PDE4C: variants seen among roughly 807,000 people sequenced by gnomAD.
The protein encoded by PDE4C is 3',5'-cyclic-AMP phosphodiesterase 4C.
Under a neutral mutation model 63.9 loss-of-function variants are expected in PDE4C, and 50 were observed. That is an observed-to-expected ratio of 0.78 (90% CI 0.62 to 0.99). The LOEUF (loss-of-function observed/expected upper bound fraction) is 0.99. Among genes scored for constraint, PDE4C ranks in the 50% least tolerant of loss-of-function variants. PDE4C has a pLI of 0.00. For synonymous variants in PDE4C, 377 were observed against 385.1 expected (o/e 0.98, Z 0.25); for missense variants, 777 against 899.1 (o/e 0.86, Z 1.74).
chr19:18,219,090 C>T lies in PDE4C; in HGVS notation c.871-52G>A, dbSNP rs748242055. On this transcript the variant is annotated intron_variant, in intron 8 of 14. Coordinates refer to ENST00000262805, the Ensembl canonical transcript of PDE4C. The stretch of plus-strand genomic sequence containing the variant: ...TTAACCCCAGCCCAACTTCCCCAGA[C>T]TCTAGAGCCTCCATCCTCCCACCCC... 3.8e-6 allele frequency: 6 copies of T among 1,580,372 alleles called. No homozygotes were observed. In the East Asian group the frequency reaches 1.3e-4, roughly 35 times the overall value.
In PDE4C at chr19:18,221,087, G is replaced by T. The variant is rs751301485; in HGVS notation, c.449+18C>A. On this transcript the variant is annotated intron_variant, in intron 4 of 14. Transcript: ENST00000262805. ...TCTCTGCCGGCCCCGCCCCCGCCCC[G>T]CCCCGCCCTCTACCTACTTGGCTGC... 1.9e-6 allele frequency: 2 copies of T among 1,027,586 alleles called. No homozygotes were observed. Among genetic ancestry groups the T allele is most frequent in the East Asian group, 3.6e-5 (1 of 27,702 alleles). 63.7% of individuals were successfully genotyped at this position (1,027,586 alleles called of 1,614,324 possible). A position where few individuals can be genotyped will look rare whatever the true frequency, so the allele number is the denominator to read the frequency against.
chr19:18,233,084 G>T, exon 1 of PDE4C: 2 of 1,570,786 alleles, frequency 1.3e-6, no homozygotes, highest in African/African-American at 1.3e-5. Context: ...TGGGGCGCCG[G>T]GGTTGCCGCC....
chr19:18,231,093 G>A (rs1968838182), upstream of PDE4C, among the ~76,000 whole-genome samples: 1 of 152,230 alleles, frequency 6.6e-6, no homozygotes, highest in South Asian at 2.1e-4. Flanking sequence ...GGCTCCGGGA[G>A]GCACCACGGC....
upstream of PDE4C, among the ~76,000 whole-genome samples, chr19:18,231,441 G>A (rs529372479): frequency 6.6e-6 from 1 of 152,314 alleles, no homozygotes; most frequent in East Asian, 1.9e-4. Context: ...GGAGGAACTA[G>A]AAGCCGGGGC....
intron 14 of PDE4C, 77 bp downstream of exon 14, chr19:18,211,682 A>G (rs987582610): frequency 2.6e-6 from 4 of 1,537,486 alleles, no homozygotes; most frequent in Non-Finnish European, 3.6e-6. Context: ...GGGCCAAACC[A>G]GGGCTCGTGG....
At chr19:18,217,832 G>T (rs566668419) in intron 11 of PDE4C, among the ~76,000 whole-genome samples, 2 of 152,178 alleles carry the variant, frequency 1.3e-5, no homozygotes, top group South Asian at 4.1e-4. Flanking sequence ...GGGAGGTAGA[G>T]GTTGCAGTGA....
Position 18,220,976 on chromosome 19 carries a change from C to A in PDE4C, c.450-53G>T. ...TGCTCCGCCCATCTCGCCCCGCCCC[C>A]AAGTCCACCAGGCCCCGCCCCTCAA... On this transcript the variant is annotated intron_variant, in intron 4 of 14. Transcript: ENST00000262805. This position sits in a 1 kb window ranked among gnomAD's most constrained non-coding sequence, Gnocchi z 5.1. 2.6e-6 allele frequency: 4 copies of A among 1,566,316 alleles called. No individual in the cohort carries two copies. The highest frequency in any genetic ancestry group is 3.5e-6 in the Non-Finnish European group (4 of 1,155,706).
rs770742504 is a variant in PDE4C, at chr19:18,216,914, G to T, written c.1235-19C>A. 1.3e-6 allele frequency: 2 copies of T among 1,584,512 alleles called. No homozygotes were observed. The highest frequency in any genetic ancestry group is 2.3e-5 in the South Asian group (2 of 88,062). On this transcript the variant is annotated intron_variant, in intron 11 of 14. Transcript: ENST00000262805. The stretch of plus-strand genomic sequence containing the variant: ...TCTGAGTCTGTGAGGGTATGGGACT[G>T]AGAGCCCCAAGATCCACCCGCCCCA...
In PDE4C at chr19:18,211,176, C is replaced by T. The variant is rs756562245; in HGVS notation, c.1796G>A (p.Arg599Gln). 1.8e-5 allele frequency: 29 copies of T among 1,613,968 alleles called. 1 individual carries two copies. Among genetic ancestry groups the T allele is most frequent in the South Asian group, 1.4e-4 (13 of 91,068 alleles). ...GGGGATCTTGCTCTGGTACCACTCT[C>T]GATTGTCCTCCAGCGTGTCCAGCAG... is the stretch of plus-strand genomic sequence containing the variant. The change falls in exon 15 of 15, where the codon CGA becomes CAA. Residue 599 changes from arginine (R) to glutamine (Q), a missense_variant. Physicochemically the swap from Arg to Gln is conservative, Grantham distance 43 (BLOSUM62 1). This residue lies in a region of PDE4C where 500 missense variants were observed against 597.8 expected (regional missense o/e 0.84). Coordinates refer to ENST00000262805, the Ensembl canonical transcript of PDE4C.
chr19:18,230,688 C>T (rs1376604922), upstream of PDE4C, among the ~76,000 whole-genome samples: 1 of 152,102 alleles, frequency 6.6e-6, no homozygotes, highest in African/African-American at 2.4e-5. Context: ...CTCTTTCCTC[C>T]TGCAGGCTAA....
At chr19:18,252,158 G>T, upstream of PDE4C, 2 of 399,198 alleles carry the variant, frequency 5.0e-6, no homozygotes, top group Non-Finnish European at 8.8e-6. Context: ...TCAGGGATTC[G>T]GAACTGGGGA....
At chr19:18,248,251 G>C (rs1430231969), upstream of PDE4C, 3 of 455,936 alleles carry the variant, frequency 6.6e-6, no homozygotes, top group East Asian at 2.1e-4. Context: ...TGACCAAGAG[G>C]GAGGCCCAGG....
intron 1 of PDE4C, chr19:18,232,947 T>C: frequency 7.0e-7 from 1 of 1,422,134 alleles, no homozygotes. Flanking sequence ...CCCGGCCACC[T>C]ACCGCCTGCA....
chr19:18,252,033 C>T (rs573219410), upstream of PDE4C: 147 of 398,758 alleles, frequency 3.7e-4, no homozygotes, highest in Admixed American at 2.4e-3. Flanking sequence ...CCGCCACCTC[C>T]CTACAAACAC....
At chr19:18,224,333 C>G (rs1039027920) in intron 1 of PDE4C, 40 of 985,350 alleles carry the variant, frequency 4.1e-5, no homozygotes, top group Non-Finnish European at 4.6e-5. Flanking sequence ...GGGCCAGTGT[C>G]CGGCTGGTCC....
upstream of PDE4C, among the ~76,000 whole-genome samples, chr19:18,238,530 G>A (rs1041480414): frequency 1.1e-4 from 17 of 151,604 alleles, no homozygotes; most frequent in African/African-American, 3.4e-4. Flanking sequence ...GAGCCACTGC[G>A]CCCGGCCGAG....
chr19:18,216,628 G>T, intron 12 of PDE4C, 113 bp downstream of exon 12: 2 of 1,044,418 alleles, frequency 1.9e-6, no homozygotes, highest in Non-Finnish European at 2.8e-6. Flanking sequence ...GACATGCCTG[G>T]GTCTGGATGA....
upstream of PDE4C, among the ~76,000 whole-genome samples, chr19:18,230,241 C>G (rs573256605): frequency 2.0e-5 from 3 of 152,224 alleles, no homozygotes; most frequent in Non-Finnish European, 4.4e-5. Context: ...TGTGGTGGCT[C>G]ATGCCTGCAA....
chr19:18,216,696 C>T lies in PDE4C; in HGVS notation c.1389+45G>A, dbSNP rs371115411. On this transcript the variant is annotated intron_variant, in intron 12 of 14. Transcript: ENST00000262805. ...CTGTCTGCAGATGAGAAGGATGCCC[C>T]GCTCCCCTCTGCCCCTCCCGCCCCG... 22 of 1,527,144 alleles carry T rather than the reference C, an allele frequency of 1.4e-5. No homozygotes were observed. The African/African-American group carries it at 1.5e-4, about 10-fold the overall frequency. 94.6% of individuals were successfully genotyped at this position (1,527,144 alleles called of 1,614,324 possible).
Sources: gnomAD v4.1 joint callset for allele counts (sites outside exome capture counted in the v4.1 genomes callset) on GRCh38, gnomAD v4.1.1 for gene constraint, gnomAD v4.1.1 regional missense constraint, Gnocchi (gnomAD v3.1) non-coding constraint, MANE v1.5 for transcripts, NCBI Gene and HGNC (gene_info 2026-07-23, HGNC 2026-07-21) for gene names.